The following SIK3 variants were observed in gnomAD, a reference collection of about 807,000 sequenced individuals.
SIK3 encodes SIK family kinase 3, also known as serine/threonine-protein kinase SIK3.
SIK3 carries 28 observed loss-of-function variants against 144.2 expected under a neutral mutation model. The ratio of observed to expected loss-of-function variants is 0.19; its 90% CI spans 0.14 to 0.27. The LOEUF is 0.27. Among genes scored for constraint, SIK3 ranks in the 10% least tolerant of loss-of-function variants. The pLI is 1.00. For missense variants in SIK3, 1,319 were observed against 1,776.0 expected (o/e 0.74, Z 4.62); for synonymous variants, 686 against 676.3 (o/e 1.01, Z -0.22).
At chr11:117,003,710 G>GT (rs1950942229) in intron 1 of SIK3, among the ~76,000 whole-genome samples, 1 of 152,114 alleles carries the variant, frequency 6.6e-6, no homozygotes, top group Non-Finnish European at 1.5e-5. Context: ...TGTTGTTATG[G>GT]TATTTCATTT....
rs150131446 is a variant in SIK3 at position 116,867,595 on chromosome 11, T to C, written c.1952+351A>G. The C allele has an allele frequency of 1.8e-3, 359 of 199,052 alleles. 3 individuals are homozygous for C. Among genetic ancestry groups the C allele is most frequent in the African/African-American group, 7.6e-3 (331 of 43,270 alleles). 12.3% of individuals were successfully genotyped at this position (199,052 alleles called of 1,614,324 possible). ...TTATTAAAGGTCAAGTCTATCGATA[T>C]GGCTAAAAATCTTCCTGTTTCCAGG... On this transcript the variant is annotated intron_variant, in intron 15 of 24. Coordinates refer to ENST00000445177, the MANE Select transcript of SIK3 (RefSeq NM_001366686.3). The surrounding 1 kb of genome is among the most constrained non-coding windows in gnomAD (Gnocchi z 4.1).
chr11:117,095,783 T>C (rs1340929146), intron 1 of SIK3, among the ~76,000 whole-genome samples: 3 of 152,208 alleles, frequency 2.0e-5, no homozygotes, highest in African/African-American at 4.8e-5. Flanking sequence ...GCAAAAGATA[T>C]AGCACTTGTA....
chr11:116,883,699 C>T lies in SIK3; in HGVS notation c.866-6657G>A, dbSNP rs541798108. 9.9e-5 allele frequency among the ~76,000 whole-genome samples: 15 copies of T among 152,200 alleles called. No homozygotes were observed. The East Asian group carries it at 2.1e-3, about 22-fold the overall frequency. The stretch of plus-strand genomic sequence containing the variant: ...CTATAATCCCAGCACTCTGGGAGCC[C>T]GAGACAGGCAGATCACTTGAGGCCA... On this transcript the variant is annotated intron_variant, in intron 6 of 24. Coordinates refer to ENST00000445177, the MANE Select transcript of SIK3 (RefSeq NM_001366686.3).
intron 1 of SIK3, among the ~76,000 whole-genome samples, chr11:117,061,323 T>C (rs1487352832): frequency 6.6e-6 from 1 of 151,954 alleles, no homozygotes; most frequent in Non-Finnish European, 1.5e-5. Context: ...GAGAAGATAA[T>C]GTCTGTTGTG....
At chr11:117,021,858 G>A (rs529175725) in intron 1 of SIK3, among the ~76,000 whole-genome samples, 3 of 140,432 alleles carry the variant, frequency 2.1e-5, no homozygotes, top group East Asian at 2.2e-4. Context: ...TTGGGAGGCC[G>A]AGGCAGGAAG....
At chr11:116,902,694 G>C (rs1380764074) in intron 4 of SIK3, among the ~76,000 whole-genome samples, 1 of 152,154 alleles carries the variant, frequency 6.6e-6, no homozygotes, top group African/African-American at 2.4e-5. Flanking sequence ...AAATCCTCTA[G>C]TCTCAGAAAC....
intron 1 of SIK3, among the ~76,000 whole-genome samples, chr11:116,995,391 G>A (rs1950631325): frequency 1.3e-5 from 2 of 151,828 alleles, no homozygotes; most frequent in South Asian, 4.2e-4. Flanking sequence ...AGCCTCCCGA[G>A]TAGCTAGGAC....
At chr11:116,973,442 T>G (rs1949834681) in intron 1 of SIK3, among the ~76,000 whole-genome samples, 2 of 152,208 alleles carry the variant, frequency 1.3e-5, no homozygotes, top group African/African-American at 4.8e-5. Flanking sequence ...CTTGTAGAGA[T>G]TCCAGCAAAC....
chr11:117,024,568 T>C (rs796983903), intron 1 of SIK3, among the ~76,000 whole-genome samples: 1 of 152,108 alleles, frequency 6.6e-6, no homozygotes, highest in African/African-American at 2.4e-5. Context: ...AAAGTTAAGG[T>C]TGCAATATTT....
At chr11:117,092,130 ACT>A (rs1245397420) in intron 1 of SIK3, among the ~76,000 whole-genome samples, 5 of 151,694 alleles carry the variant, frequency 3.3e-5, no homozygotes, top group African/African-American at 1.2e-4. Context: ...TCTGCTTGAT[ACT>A]CTCTGATGTC....
chr11:117,051,744 G>A (rs1194027991), intron 1 of SIK3, among the ~76,000 whole-genome samples: 2 of 151,838 alleles, frequency 1.3e-5, no homozygotes, highest in Non-Finnish European at 2.9e-5. Flanking sequence ...GGCCGACCTG[G>A]TCTCAAACTC....
chr11:116,984,730 A>G (rs1950268335), intron 1 of SIK3, among the ~76,000 whole-genome samples: 1 of 152,190 alleles, frequency 6.6e-6, no homozygotes, highest in Admixed American at 6.5e-5. Context: ...AGACAGGCCT[A>G]CAAGTCTTCT....
At chr11:116,990,437 A>T (rs1474368596) in intron 1 of SIK3, among the ~76,000 whole-genome samples, 1 of 152,212 alleles carries the variant, frequency 6.6e-6, no homozygotes, top group East Asian at 1.9e-4. Context: ...AACTGGGTAT[A>T]ACCTACATAC....
intron 1 of SIK3, among the ~76,000 whole-genome samples, chr11:117,089,202 G>A (rs934459504): frequency 3.3e-5 from 5 of 151,806 alleles, no homozygotes; most frequent in African/African-American, 1.2e-4. Context: ...TCAGGAAATC[G>A]AGACCAGCCT....
At chr11:117,074,899 C>A (rs1954441175) in intron 1 of SIK3, among the ~76,000 whole-genome samples, 1 of 151,292 alleles carries the variant, frequency 6.6e-6, no homozygotes, top group South Asian at 2.1e-4. Flanking sequence ...TGCACTCCAG[C>A]CTGGGTGACA....
At chr11:116,957,428 TAAATA>T (rs1949181624) in intron 1 of SIK3, among the ~76,000 whole-genome samples, 1 of 152,138 alleles carries the variant, frequency 6.6e-6, no homozygotes, top group African/African-American at 2.4e-5. Context: ...CAAGAAGCTT[TAAATA>T]AAATAAAAAA....
chr11:116,909,454 G>T (rs1437052882), intron 4 of SIK3, among the ~76,000 whole-genome samples: 2 of 152,210 alleles, frequency 1.3e-5, no homozygotes, highest in East Asian at 3.9e-4. Flanking sequence ...CTAGTTTTTT[G>T]ACCTGAGTGC....
chr11:116,873,568 T>A lies in SIK3; in HGVS notation c.1650A>T (p.Ala550=), dbSNP rs772001337. ...LNGMGPLGRR[A]SDGGANIQLH... ...GTTGGATGTTGGCTCCTCCATCTGA[T>A]GCCCTCCGGCCAAGGGGGCCCATTC... is the stretch of plus-strand genomic sequence containing the variant. The change falls in exon 13 of 25, where the codon GCA becomes GCT. Residue 550 remains alanine (A), a synonymous_variant. Coordinates refer to ENST00000445177, the MANE Select transcript of SIK3 (RefSeq NM_001366686.3). 10 of 1,611,006 alleles carry A rather than the reference T, an allele frequency of 6.2e-6. No individual in the cohort carries two copies. Among genetic ancestry groups the A allele is most frequent in the African/African-American group, 2.7e-5 (2 of 74,774 alleles).
chr11:116,885,829 G>A (rs1170011357), intron 6 of SIK3, among the ~76,000 whole-genome samples: 1 of 152,162 alleles, frequency 6.6e-6, no homozygotes, highest in Admixed American at 6.5e-5. Flanking sequence ...TCTTGGGCAT[G>A]TTACTTAACC....
Sources: allele counts gnomAD v4.1 joint callset (sites outside exome capture counted in the v4.1 genomes callset), GRCh38; gene constraint gnomAD v4.1.1; non-coding constraint Gnocchi (gnomAD v3.1); transcripts MANE v1.5; gene names NCBI Gene and HGNC (gene_info 2026-07-23, HGNC 2026-07-21).